NRG4: variants seen among roughly 807,000 people sequenced by gnomAD.
NRG4 encodes neuregulin 4.
Under a neutral mutation model 15.0 loss-of-function variants are expected in NRG4, and 10 were observed. The observed-to-expected ratio is 0.67, with a 90% CI of 0.41 to 1.13. NRG4 has a LOEUF of 1.13. Ranked by LOEUF, NRG4 falls within the 50% of genes most tolerant of loss-of-function variation. The pLI is 0.00. For synonymous variants in NRG4, 41 were observed against 50.1 expected (o/e 0.82, Z 0.77); for missense variants, 139 against 140.2 (o/e 0.99, Z 0.04).
intron 5 of NRG4, among the ~76,000 whole-genome samples, chr15:76,035,170 C>G (rs901686355): frequency 3.3e-5 from 5 of 152,202 alleles, no homozygotes; most frequent in Non-Finnish European, 5.9e-5. Context: ...ACTCCAAGGT[C>G]CACAGCTTGT....
chr15:75,956,972 T>C (rs2032272776), intron 4 of NRG4, among the ~76,000 whole-genome samples: 1 of 152,220 alleles, frequency 6.6e-6, no homozygotes, highest in Non-Finnish European at 1.5e-5. Flanking sequence ...TTTGTCCTTC[T>C]GCTAATCCGG....
intron 3 of NRG4, among the ~76,000 whole-genome samples, chr15:75,971,996 G>A (rs2033118741): frequency 6.6e-6 from 1 of 152,174 alleles, no homozygotes; most frequent in East Asian, 1.9e-4. Context: ...TAGTGTAAAA[G>A]CATTCCTATT....
intron 3 of NRG4, 115 bp downstream of exon 3, chr15:76,009,085 A>G (rs2141907187): frequency 1.4e-6 from 1 of 690,918 alleles, no homozygotes; most frequent in East Asian, 2.6e-5. Flanking sequence ...ATAAATATGA[A>G]TATGCCTCAC....
intron 3 of NRG4, among the ~76,000 whole-genome samples, chr15:75,984,646 G>A (rs75405850): frequency 0.021 from 3,148 of 152,126 alleles, 107 homozygotes; most frequent in African/African-American, 0.071. Context: ...GGGAGGCAGG[G>A]GGCTAGGGGA....
chr15:76,055,534 T>C (rs756155877), intron 2 of NRG4, among the ~76,000 whole-genome samples: 2 of 152,196 alleles, frequency 1.3e-5, no homozygotes, highest in Non-Finnish European at 2.9e-5. Context: ...AAATCTTGAA[T>C]TACCCTGAAC....
At chr15:76,027,360 C>T (rs1390912485) in intron 5 of NRG4, among the ~76,000 whole-genome samples, 7 of 151,784 alleles carry the variant, frequency 4.6e-5, no homozygotes, top group Admixed American at 3.9e-4. Context: ...ATCCATTCAG[C>T]AAGAGAATAT....
intron 5 of NRG4, among the ~76,000 whole-genome samples, chr15:75,954,265 G>GT (rs774149763): frequency 0.081 from 10,963 of 135,908 alleles, 588 homozygotes; most frequent in African/African-American, 0.16. Flanking sequence ...TTGTTTTTTT[G>GT]TTTTTTTTTT....
intron 5 of NRG4, among the ~76,000 whole-genome samples, chr15:76,017,622 G>T (rs1468539214): frequency 2.0e-5 from 3 of 152,080 alleles, no homozygotes; most frequent in Non-Finnish European, 4.4e-5. Flanking sequence ...TGAAATTCTG[G>T]GTTGAAAATT....
At chr15:76,042,470 G>T (rs1052808296) in intron 4 of NRG4, among the ~76,000 whole-genome samples, 1 of 151,984 alleles carries the variant, frequency 6.6e-6, no homozygotes, top group African/African-American at 2.4e-5. Context: ...AGGTGAAAAA[G>T]GAGACATTAC....
chr15:75,990,481 G>A (rs868520387), intron 3 of NRG4, among the ~76,000 whole-genome samples: 1 of 151,626 alleles, frequency 6.6e-6, no homozygotes, highest in African/African-American at 2.4e-5. Context: ...GTTGTCAACT[G>A]TCTGAAAAAA....
intron 3 of NRG4, among the ~76,000 whole-genome samples, chr15:75,975,161 T>C (rs2033308547): frequency 6.6e-6 from 1 of 152,230 alleles, no homozygotes; most frequent in South Asian, 2.1e-4. Flanking sequence ...TATCGGAGAC[T>C]AAGATTGTAA....
intron 3 of NRG4, among the ~76,000 whole-genome samples, chr15:75,979,771 T>C (rs573608727): frequency 1.9e-3 from 282 of 152,172 alleles, no homozygotes; most frequent in Non-Finnish European, 3.1e-3. Flanking sequence ...TCTAAGTAAA[T>C]TTACTAAATT....
rs914603517 is a variant in NRG4 at position 76,054,213 on chromosome 15, G to A, written c.-261-1230C>T. 1.3e-4 allele frequency among the ~76,000 whole-genome samples: 20 copies of A among 149,416 alleles called. 2 individuals are homozygous for A. The highest frequency in any genetic ancestry group is 6.3e-4 in the South Asian group (3 of 4,766). ...AACCATCCTCCCACCTCAGCCTCCC[G>A]AGCAACTGGGACCACAAGTGCACAC... On this transcript the variant is annotated intron_variant, in intron 2 of 8. Coordinates refer to the NRG4 transcript ENST00000563910.
rs886781538 is a variant in NRG4, at chr15:75,977,222, G to A, written c.105-15248C>T. Among the ~76,000 whole-genome samples, 5 of 152,166 alleles carry A rather than the reference G, an allele frequency of 3.3e-5. No homozygotes were observed. Among genetic ancestry groups the A allele is most frequent in the South Asian group, 2.1e-4 (1 of 4,828 alleles). On this transcript the variant is annotated intron_variant, in intron 3 of 5. Transcript: ENST00000394907. This position sits in a 1 kb window ranked among gnomAD's most constrained non-coding sequence, Gnocchi z 4.9. ...GACTTCAGACTGCTGTGCTGGCAGC[G>A]AGAATTTCAAGCCAGTGGACTTTAG...
downstream of NRG4, chr15:75,937,409 T>G (rs1407167200): frequency 6.8e-6 from 1 of 146,698 alleles, no homozygotes; most frequent in Non-Finnish European, 1.5e-5. Context: ...CTTGGGAGGC[T>G]GAGGCAGGAG....
chr15:75,945,277 T>A lies in NRG4; in HGVS notation c.332-1623A>T, dbSNP rs898138549. Among the ~76,000 whole-genome samples the A allele has an allele frequency of 2.7e-4, 41 of 151,644 alleles. 1 individual carries two copies. Among genetic ancestry groups the A allele is most frequent in the African/African-American group, 8.2e-4 (34 of 41,342 alleles). ...TTTTATCATTTATTTTTATTTTATT[T>A]TTTTTGTGGAATCTCACTTTGTCAC... On this transcript the variant is annotated intron_variant, in intron 5 of 5. Transcript: ENST00000394907.
chr15:76,059,357 G>A (rs922655127), intron 1 of NRG4, among the ~76,000 whole-genome samples: 9 of 152,190 alleles, frequency 5.9e-5, no homozygotes, highest in African/African-American at 2.2e-4. Flanking sequence ...TGGCCTCCAA[G>A]CGCAGCGGGC....
At chr15:76,031,616 G>A (rs922476708) in intron 5 of NRG4, among the ~76,000 whole-genome samples, 5 of 152,342 alleles carry the variant, frequency 3.3e-5, no homozygotes, top group African/African-American at 1.2e-4. Flanking sequence ...CTTGAACTCA[G>A]GAGGTGGAGG....
chr15:76,058,733 C>T (rs1190668281), intron 1 of NRG4, among the ~76,000 whole-genome samples: 1 of 152,140 alleles, frequency 6.6e-6, no homozygotes, highest in Non-Finnish European at 1.5e-5. Context: ...CCCATCTTTT[C>T]AAATATTTTA....
Sources: gnomAD v4.1 joint callset for allele counts (sites outside exome capture counted in the v4.1 genomes callset) on GRCh38, gnomAD v4.1.1 for gene constraint, Gnocchi (gnomAD v3.1) non-coding constraint, MANE v1.5 for transcripts, NCBI Gene and HGNC (gene_info 2026-07-23, HGNC 2026-07-21) for gene names.